The following MAPKBP1 variants were observed in gnomAD, a reference collection of about 807,000 sequenced individuals.
The protein encoded by MAPKBP1 is mitogen-activated protein kinase-binding protein 1.
A neutral mutation model predicts 170.5 loss-of-function variants in MAPKBP1; 71 were observed. That is an observed-to-expected ratio of 0.42 (90% CI 0.34 to 0.51). The LOEUF is 0.51. Among genes scored for constraint, MAPKBP1 ranks in the 20% least tolerant of loss-of-function variants. The pLI, the probability that MAPKBP1 is intolerant of heterozygous loss-of-function variation, is 0.06. For synonymous variants in MAPKBP1, 719 were observed against 757.9 expected, an observed-to-expected ratio of 0.95 and a Z score of 0.84; for missense variants, 1,598 against 1,933.0, an observed-to-expected ratio of 0.83 and a Z score of 3.25.
chr15:41,822,057 G>C lies in MAPKBP1; in HGVS notation c.2978G>C (p.Cys993Ser). The C allele has an allele frequency of 6.2e-7, 1 of 1,609,306 alleles. No homozygotes were observed. Among genetic ancestry groups the C allele is most frequent in the South Asian group, 1.1e-5 (1 of 90,070 alleles). Residue 993 changes from cysteine (C) to serine (S), a missense_variant, in exon 25 of 31, where the codon TGC becomes TCC. Around this residue, in one of 6 missense-constraint regions of MAPKBP1, gnomAD observed 942 missense variants for 953.2 expected, o/e 0.99. Transcript: ENST00000457542. ...SSEKHSPDSA[C>S]SVDYSSSCLS... ...GAAAAGCACAGCCCTGACAGTGCCTGCTCTGTGGATTACAGCAGCAGCTGC... is the reference window on the plus strand; with the variant it reads ...GAAAAGCACAGCCCTGACAGTGCCTCCTCTGTGGATTACAGCAGCAGCTGC...
chr15:41,783,784 T>C (rs376374124), intron 2 of MAPKBP1, among the ~76,000 whole-genome samples: 338 of 152,104 alleles, frequency 2.2e-3, no homozygotes, highest in African/African-American at 7.9e-3. Flanking sequence ...CCGAGGCGGG[T>C]GGATCACGAG....
At chr15:41,801,116 G>A (rs1049884689) in intron 3 of MAPKBP1, among the ~76,000 whole-genome samples, 1 of 152,214 alleles carries the variant, frequency 6.6e-6, no homozygotes, top group African/African-American at 2.4e-5. Context: ...ATATTCCACT[G>A]GATGGATGTA....
At chr15:41,824,090 C>G in intron 29 of MAPKBP1, 29 bp downstream of exon 29, 1 of 1,565,074 alleles carries the variant, frequency 6.4e-7, no homozygotes. Flanking sequence ...CTCTCATCTC[C>G]TGCCCCATCC....
At chr15:41,804,728 C>T (rs4924575) in intron 3 of MAPKBP1, among the ~76,000 whole-genome samples, 42,495 of 152,238 alleles carry the variant, frequency 0.28, 7,055 homozygotes, top group Admixed American at 0.36. Flanking sequence ...TACAGGCTTT[C>T]CTGATGGAAC....
At chr15:41,778,896 T>C (rs577438767) in intron 2 of MAPKBP1, among the ~76,000 whole-genome samples, 26 of 152,338 alleles carry the variant, frequency 1.7e-4, no homozygotes, top group African/African-American at 5.8e-4. Flanking sequence ...AAAAAGTAAC[T>C]GAAGGAGGTA....
At chr15:41,789,409 C>G (rs1292459402) in intron 2 of MAPKBP1, among the ~76,000 whole-genome samples, 1 of 152,142 alleles carries the variant, frequency 6.6e-6, no homozygotes, top group African/African-American at 2.4e-5. Flanking sequence ...AAGGGCTGTA[C>G]CAGGCACTGT....
chr15:41,799,638 T>C (rs975061440), intron 2 of MAPKBP1, among the ~76,000 whole-genome samples, 185 bp from the exon 3 acceptor site: 1 of 152,228 alleles, frequency 6.6e-6, no homozygotes, highest in Non-Finnish European at 1.5e-5. Flanking sequence ...CGCTGGGTTT[T>C]TCCCGTGTGA....
chr15:41,814,464 C>T lies in MAPKBP1; in HGVS notation c.981-86C>T, dbSNP rs1051997788. 5.9e-6 allele frequency: 8 copies of T among 1,356,156 alleles called. No individual in the cohort carries two copies. The African/African-American group carries it at 7.3e-5, about 12-fold the overall frequency. The allele number at this position is 1,356,156 out of a possible 1,614,324, so 84.0% of individuals were successfully genotyped here. On this transcript the variant is annotated intron_variant, in intron 9 of 30. Coordinates refer to ENST00000457542, the MANE Select transcript of MAPKBP1 (RefSeq NM_014994.3). ...CAAACCTGCAGGTCCAGGGAGGGCT[C>T]CTCACACACTGCTCCTTCCATTGTG... is the stretch of plus-strand genomic sequence containing the variant.
chr15:41,823,549 G>C lies in MAPKBP1; in HGVS notation c.3701G>C (p.Arg1234Pro), dbSNP rs3959569. The change falls in exon 29 of 31, where the codon CGT (arginine) becomes CCT (proline). Residue 1234 changes from arginine to proline, a missense_variant. Arg to Pro is a moderately radical substitution (Grantham distance 103). Coordinates refer to ENST00000457542, the MANE Select transcript of MAPKBP1 (RefSeq NM_014994.3). The stretch of plus-strand genomic sequence containing the variant: ...GGCTCCCTGCCCCCAGCTGATGGCC[G>C]TCCGTCTCGGCCTCACTCCTATCAG... ...GLGSLPPADG[R>P]PSRPHSYQNP... The C allele has an allele frequency of 0.32, 514,534 of 1,613,884 alleles. 85,531 individuals carry two copies. The highest frequency in any genetic ancestry group is 0.38 in the Admixed American group (23,017 of 60,000).
In MAPKBP1 at chr15:41,825,293, C is replaced by T. The variant is rs748221172; in HGVS notation, c.4384C>T (p.Leu1462=). ...RDTFSSVRQE[L]EAVAGAVLSS... ...CACCTTCTCTTCAGTGCGACAGGAG[C>T]TGGAAGCTGTGGCTGGGGCAGTGCT... Residue 1462 remains leucine, a synonymous_variant, in exon 31 of 31, where the codon CTG becomes TTG. Transcript: ENST00000457542. The T allele has an allele frequency of 6.8e-6, 11 of 1,613,122 alleles. No individual in the cohort carries two copies. The highest frequency in any genetic ancestry group is 1.3e-5 in the African/African-American group (1 of 74,940).
rs1268719498 is a variant in MAPKBP1 at position 41,816,892 on chromosome 15, G to C, written c.1586-18G>C. On this transcript the variant is annotated intron_variant, in intron 13 of 30. Coordinates refer to ENST00000457542, the MANE Select transcript of MAPKBP1 (RefSeq NM_014994.3). ...TGTTCAGGGCACTCATGGGCTGATG[G>C]AGTTCTTTCATCCCCAGGTCTGAAA... 1 of 1,593,806 alleles carries C rather than the reference G, an allele frequency of 6.3e-7. No individual in the cohort carries two copies.
rs140693998 is a variant in MAPKBP1 at position 41,826,888 on chromosome 15, C to T, written c.*1452C>T. ...GTTGAAGAGTTGAGGAAAGGTTTTT[C>T]TGGGCCCTACTGCTCCCCTCTGCTG... On this transcript the variant is annotated 3_prime_UTR_variant, in exon 31 of 31. Transcript: ENST00000457542. The T allele has an allele frequency of 6.6e-6, 1 of 152,220 alleles. No individual in the cohort carries two copies. The highest frequency in any genetic ancestry group is 1.5e-5 in the Non-Finnish European group (1 of 68,074). 9.4% of individuals were successfully genotyped at this position (152,220 alleles called of 1,614,324 possible). A position where few individuals can be genotyped will look rare whatever the true frequency, so the allele number is the denominator to read the frequency against.
At chr15:41,819,760 A>G (rs2064963228) in intron 22 of MAPKBP1, 110 bp downstream of exon 22, 2 of 1,110,252 alleles carry the variant, frequency 1.8e-6, no homozygotes, top group Admixed American at 4.4e-5. Flanking sequence ...GTCTGCCCAC[A>G]TGCTGCACTC....
chr15:41,779,912 T>G (rs1449640187), intron 2 of MAPKBP1, among the ~76,000 whole-genome samples: 2 of 152,174 alleles, frequency 1.3e-5, no homozygotes, highest in African/African-American at 4.8e-5. Context: ...CAATGAAAAA[T>G]GTCAATGTTC....
chr15:41,810,880 C>T lies in MAPKBP1; in HGVS notation c.207-3C>T. ...TGAGCCTGTTGTCTGCTCATCTCCT[C>T]AGGTGTGTGGTTGTGTTGTTCAATC... is the stretch of plus-strand genomic sequence containing the variant. On this transcript the variant is annotated splice_polypyrimidine_tract_variant and splice_region_variant and intron_variant, in intron 3 of 30. Transcript: ENST00000457542. 2 of 1,614,180 alleles carry T rather than the reference C, an allele frequency of 1.2e-6. No individual in the cohort carries two copies. Among genetic ancestry groups the T allele is most frequent in the South Asian group, 1.1e-5 (1 of 91,080 alleles).
intron 3 of MAPKBP1, 130 bp from the exon 4 acceptor site, chr15:41,810,753 A>G: frequency 1.5e-6 from 1 of 661,940 alleles, no homozygotes; most frequent in Non-Finnish European, 2.7e-6. Context: ...AAGGAAAAAA[A>G]CAGTGGAGCC....
intron 2 of MAPKBP1, among the ~76,000 whole-genome samples, chr15:41,782,427 G>C (rs2064207230): frequency 6.6e-6 from 1 of 152,194 alleles, no homozygotes; most frequent in Non-Finnish European, 1.5e-5. Context: ...TGATGCGAAT[G>C]TTGTCATCAG....
intron 7 of MAPKBP1, 133 bp downstream of exon 7, chr15:41,812,786 A>T (rs1272570452): frequency 6.9e-7 from 1 of 1,448,356 alleles, no homozygotes; most frequent in Non-Finnish European, 9.2e-7. Context: ...GATGAGCCAG[A>T]TGCTGTCTGG....
intron 2 of MAPKBP1, among the ~76,000 whole-genome samples, chr15:41,797,525 C>A (rs944033094): frequency 6.6e-6 from 1 of 152,146 alleles, no homozygotes; most frequent in African/African-American, 2.4e-5. Context: ...GAGTATCCCC[C>A]AGACTTCCCC....
Sources: gnomAD v4.1 joint callset for allele counts (sites outside exome capture counted in the v4.1 genomes callset) on GRCh38, gnomAD v4.1.1 for gene constraint, gnomAD v4.1.1 regional missense constraint, MANE v1.5 for transcripts, NCBI Gene and HGNC (gene_info 2026-07-23, HGNC 2026-07-21) for gene names.